Variants in NEK7 observed in about 807,000 individuals in gnomAD.
NEK7 encodes the protein serine/threonine-protein kinase Nek7.
A neutral mutation model predicts 44.6 loss-of-function variants in NEK7; 18 were observed. The observed-to-expected ratio is 0.40, with a 90% CI of 0.28 to 0.60. The LOEUF (loss-of-function observed/expected upper bound fraction) is 0.60, where lower values mean the gene tolerates loss of function less well. Ranked by LOEUF, NEK7 falls within the 20% of genes least tolerant of loss-of-function variation. The pLI, the probability that NEK7 is intolerant of heterozygous loss-of-function variation, is 0.38. For missense variants in NEK7, 256 were observed against 366.5 expected, an observed-to-expected ratio of 0.70 and a Z score of 2.46; for synonymous variants, 130 against 121.1, an observed-to-expected ratio of 1.07 and a Z score of -0.48.
In NEK7 at chr1:198,172,003, G is replaced by C. The variant is rs1014778406; in HGVS notation, c.-29+14727G>C. On this transcript the variant is annotated intron_variant, in intron 1 of 9. Coordinates refer to ENST00000367385, the MANE Select transcript of NEK7 (RefSeq NM_133494.3). ...CCTTATATTGTAAAAGTCTGTTTCT[G>C]TATGTCTCCTCTGGGAATAACTTAA... Among the ~76,000 whole-genome samples, 2 of 152,164 alleles carry C rather than the reference G, an allele frequency of 1.3e-5. 1 individual carries two copies. Among genetic ancestry groups the C allele is most frequent in the Admixed American group, 1.3e-4 (2 of 15,276 alleles).
At chr1:198,264,590 T>A (rs1026013003) in intron 5 of NEK7, among the ~76,000 whole-genome samples, 13 of 146,334 alleles carry the variant, frequency 8.9e-5, no homozygotes, top group Admixed American at 3.5e-4. Flanking sequence ...AAAGAGACTC[T>A]AGAGCAGCTT....
intron 9 of NEK7, among the ~76,000 whole-genome samples, chr1:198,302,731 C>T (rs1196054976): frequency 1.3e-5 from 2 of 151,950 alleles, no homozygotes; most frequent in Non-Finnish European, 2.9e-5. Flanking sequence ...TTTGAAATCA[C>T]ATTTTCTTTA....
chr1:198,271,685 A>C (rs1296484010), intron 5 of NEK7, among the ~76,000 whole-genome samples: 1 of 151,822 alleles, frequency 6.6e-6, no homozygotes, highest in Non-Finnish European at 1.5e-5. Context: ...TTTCCATTTC[A>C]GCATCTGGAC....
intron 7 of NEK7, among the ~76,000 whole-genome samples, chr1:198,292,694 C>G (rs1379499628): frequency 1.3e-5 from 2 of 151,694 alleles, no homozygotes; most frequent in Admixed American, 6.6e-5. Context: ...TCCGTTGATT[C>G]TTCTTGGATT....
intron 1 of NEK7, among the ~76,000 whole-genome samples, chr1:198,209,112 T>C (rs1665690933): frequency 6.7e-6 from 1 of 149,018 alleles, no homozygotes; most frequent in Non-Finnish European, 1.5e-5. Context: ...CACACACATG[T>C]AATATACACA....
intron 1 of NEK7, among the ~76,000 whole-genome samples, chr1:198,230,881 A>G (rs1351881161): frequency 2.6e-5 from 4 of 152,052 alleles, no homozygotes; most frequent in Non-Finnish European, 5.9e-5. Context: ...AAAGACCAGT[A>G]TAATGAAACT....
chr1:198,229,923 A>G (rs1358345110), intron 1 of NEK7, among the ~76,000 whole-genome samples: 2 of 152,144 alleles, frequency 1.3e-5, no homozygotes, highest in South Asian at 2.1e-4. Context: ...ATCAGTAGCT[A>G]TAGCAAAACC....
intron 3 of NEK7, among the ~76,000 whole-genome samples, chr1:198,255,749 T>G (rs998415012): frequency 6.6e-6 from 1 of 152,164 alleles, no homozygotes; most frequent in African/African-American, 2.4e-5. Flanking sequence ...TATTGTGACA[T>G]CTAGTTTAAA....
chr1:198,231,326 TATATATATATAA>T (rs1455400602), intron 1 of NEK7, among the ~76,000 whole-genome samples: 10 of 138,294 alleles, frequency 7.2e-5, no homozygotes, highest in African/African-American at 2.2e-4. Flanking sequence ...TATATATATA[TATATATATATAA>T]AAACACATGA....
chr1:198,307,733 A>G lies in NEK7; in HGVS notation c.798+10493A>G, dbSNP rs140751035. ...TAAACTATGTTACTTTCTCCATTCT[A>G]TGATGACCTGTTAATATCTAGTCAC... On this transcript the variant is annotated intron_variant, in intron 9 of 9. Coordinates refer to ENST00000367385, the MANE Select transcript of NEK7 (RefSeq NM_133494.3). Among the ~76,000 whole-genome samples the G allele has an allele frequency of 3.3e-4, 50 of 152,300 alleles. No homozygotes were observed. In the East Asian group the frequency reaches 7.5e-3, roughly 23 times the overall value.
Position 198,301,296 on chromosome 1 carries a change from G to A in NEK7, c.798+4056G>A, listed in dbSNP as rs370206157. ...CCGGGCGCTGTGGCTCACGCCTGTAGTCCCAGCACTTTGGGAGGCCGAGGC... is the reference window on the plus strand; with the variant it reads ...CCGGGCGCTGTGGCTCACGCCTGTAATCCCAGCACTTTGGGAGGCCGAGGC... On this transcript the variant is annotated intron_variant, in intron 9 of 9. Coordinates refer to ENST00000367385, the MANE Select transcript of NEK7 (RefSeq NM_133494.3). 5.1e-4 allele frequency among the ~76,000 whole-genome samples: 78 copies of A among 152,256 alleles called. No individual in the cohort carries two copies. The East Asian group carries it at 7.7e-3, about 15-fold the overall frequency.
At chr1:198,301,352 C>A (rs924713340) in intron 9 of NEK7, among the ~76,000 whole-genome samples, 6 of 152,096 alleles carry the variant, frequency 3.9e-5, no homozygotes, top group Non-Finnish European at 5.9e-5. Context: ...AGATCGAGAC[C>A]ATCCTGGCTA....
intron 5 of NEK7, among the ~76,000 whole-genome samples, chr1:198,270,056 ACTATT>A (rs1413038411): frequency 1.3e-5 from 2 of 151,958 alleles, no homozygotes; most frequent in African/African-American, 4.8e-5. Flanking sequence ...TGTTTATTTC[ACTATT>A]CTAATGTCAA....
intron 1 of NEK7, chr1:198,207,040 A>G (rs1247548408): frequency 2.0e-5 from 3 of 152,208 alleles, no homozygotes; most frequent in Non-Finnish European, 4.4e-5. Context: ...AAGGTTCATT[A>G]CATTTCTCAA....
At chr1:198,243,896 TTTG>T (rs1486308611) in intron 2 of NEK7, among the ~76,000 whole-genome samples, 2 of 150,260 alleles carry the variant, frequency 1.3e-5, no homozygotes, top group Admixed American at 6.6e-5. Context: ...ATGGTGTTTT[TTTG>T]TTTATTTGCC....
chr1:198,282,725 G>T (rs1654244728), intron 7 of NEK7, among the ~76,000 whole-genome samples: 1 of 152,080 alleles, frequency 6.6e-6, no homozygotes, highest in East Asian at 1.9e-4. Flanking sequence ...GAGAAAGAAA[G>T]GGGGAAGTGG....
At chr1:198,203,402 G>T (rs753472131) in intron 1 of NEK7, among the ~76,000 whole-genome samples, 1 of 152,162 alleles carries the variant, frequency 6.6e-6, no homozygotes, top group African/African-American at 2.4e-5. Context: ...ACTTGCTTCT[G>T]GTTGCACCCC....
intron 8 of NEK7, among the ~76,000 whole-genome samples, chr1:198,294,475 A>G (rs755389079): frequency 1.3e-5 from 2 of 152,120 alleles, no homozygotes; most frequent in Non-Finnish European, 2.9e-5. Flanking sequence ...TCAAAGCAAC[A>G]TATTCTCTTC....
chr1:198,252,025 G>T (rs1488974801), intron 2 of NEK7, among the ~76,000 whole-genome samples: 9 of 151,772 alleles, frequency 5.9e-5, no homozygotes, highest in Non-Finnish European at 7.4e-5. Context: ...GCTATAAATT[G>T]CCCTCTACAC....
Sources: allele counts gnomAD v4.1 joint callset (sites outside exome capture counted in the v4.1 genomes callset), GRCh38; gene constraint gnomAD v4.1.1; transcripts MANE v1.5; gene names NCBI Gene and HGNC (gene_info 2026-07-23, HGNC 2026-07-21).